The following PTPMT1 variants were observed in gnomAD, a reference collection of about 807,000 sequenced individuals.
The protein encoded by PTPMT1 is phosphatidylglycerophosphatase and protein-tyrosine phosphatase 1.
Under a neutral mutation model 17.8 loss-of-function variants are expected in PTPMT1, and 12 were observed. The ratio of observed to expected loss-of-function variants is 0.67; its 90% CI spans 0.43 to 1.09. The LOEUF is 1.09. PTPMT1 is among the 50% of genes least tolerant of loss of function. PTPMT1 has a pLI of 0.00. For synonymous variants in PTPMT1, 132 were observed against 116.8 expected (o/e 1.13, Z -0.84); for missense variants, 262 against 266.0 (o/e 0.99, Z 0.10).
At chr11:47,569,008 C>T (rs12786767) in intron 2 of PTPMT1, among the ~76,000 whole-genome samples, 2 of 151,736 alleles carry the variant, frequency 1.3e-5, no homozygotes, top group Admixed American at 6.6e-5. Flanking sequence ...AATGTTAAGA[C>T]GTTTGCAGCT....
In PTPMT1 at chr11:47,573,432, C is replaced by T. The variant is rs773744022; in HGVS notation, c.*1803C>T. On this transcript the variant is annotated 3_prime_UTR_variant, in exon 4 of 4. Transcript: ENST00000326674. The surrounding 1 kb of genome is among the most constrained non-coding windows in gnomAD (Gnocchi z 4.1). ...CTCTGTCCACACATTATCACCTACG[C>T]GATAATAAATGACTGCGTTGGAGAG... is the stretch of plus-strand genomic sequence containing the variant. 3.4e-5 allele frequency: 55 copies of T among 1,614,064 alleles called. No homozygotes were observed. The highest frequency in any genetic ancestry group is 2.2e-5 in the East Asian group (1 of 44,890).
rs570416789 is a variant in PTPMT1 at position 47,569,050 on chromosome 11, A to G, written c.256-650A>G. Among the ~76,000 whole-genome samples, 8 of 152,250 alleles carry G rather than the reference A, an allele frequency of 5.3e-5. No homozygotes were observed. In the South Asian group the frequency reaches 1.7e-3, roughly 32 times the overall value. ...TTTGCAGCTAAAATGTATATAGCTA[A>G]TATCTTGCAGCTAAATATTCAAGTA... On this transcript the variant is annotated intron_variant, in intron 2 of 3. Transcript: ENST00000326674.
In PTPMT1 at chr11:47,572,715, AACAGGCTGGCCT is replaced by A. The variant is rs1367916845; in HGVS notation, c.*1089_*1100del. ...ACAGGATGACTAGGGAATGGCAGAG[AACAGGCTGGCCT>A]ACTGTCAGTTCAAGCAACCAGCTGA... On this transcript the variant is annotated 3_prime_UTR_variant, in exon 4 of 4. Transcript: ENST00000326674. 6.8e-6 allele frequency: 4 copies of A among 584,340 alleles called. No individual in the cohort carries two copies. In the East Asian group the frequency reaches 1.1e-4, roughly 17 times the overall value. The allele number at this position is 584,340 out of a possible 1,614,324, so 36.2% of individuals were successfully genotyped here. A position where few individuals can be genotyped will look rare whatever the true frequency, so the allele number is the denominator to read the frequency against.
At chr11:47,569,666 A>G (rs759107136) in intron 2 of PTPMT1, 34 bp from the exon 3 acceptor site, 46 of 1,538,636 alleles carry the variant, frequency 3.0e-5, no homozygotes, top group Middle Eastern at 1.8e-4. Context: ...GTTTTTTTTC[A>G]TTCTCTTTTT....
Position 47,571,966 on chromosome 11 carries a change from A to G in PTPMT1, c.*337A>G. ...TATTTAGCACCACAACTCAAAAAAC[A>G]TTTAGCACTTGAAAAAAGGAGACTC... On this transcript the variant is annotated 3_prime_UTR_variant, in exon 4 of 4. Coordinates refer to ENST00000326674, the MANE Select transcript of PTPMT1 (RefSeq NM_175732.3). 5.8e-6 allele frequency: 1 copy of G among 171,692 alleles called. No individual in the cohort carries two copies. The highest frequency in any genetic ancestry group is 1.2e-5 in the Non-Finnish European group (1 of 80,832). The allele number at this position is 171,692 out of a possible 1,614,324, so 10.6% of individuals were successfully genotyped here. A position where few individuals can be genotyped will look rare whatever the true frequency, so the allele number is the denominator to read the frequency against.
chr11:47,567,162 G>A (rs1337450687), intron 2 of PTPMT1, among the ~76,000 whole-genome samples: 1 of 152,124 alleles, frequency 6.6e-6, no homozygotes, highest in Non-Finnish European at 1.5e-5. Flanking sequence ...AGCACTTTGG[G>A]AGGCTGAGGT....
Position 47,571,578 on chromosome 11 carries a change from G to A in PTPMT1, c.555G>A (p.Gln185=), listed in dbSNP as rs1417147798. 1.9e-6 allele frequency: 3 copies of A among 1,613,974 alleles called. No individual in the cohort carries two copies. In the Admixed American group the frequency reaches 5.0e-5, roughly 27 times the overall value. Residue 185 remains glutamine, a synonymous_variant, in exon 4 of 4, where the codon CAG becomes CAA. Transcript: ENST00000326674. The part of the protein sequence containing the change: ...QLDVLKEFHK[Q]ITARATKDGT... The stretch of plus-strand genomic sequence containing the variant: ...ATGTTCTTAAAGAGTTCCACAAGCA[G>A]ATTACTGCACGGGCAACAAAGGATG...
chr11:47,571,636 G>A lies in PTPMT1; in HGVS notation c.*7G>A, dbSNP rs1419640210. 6.2e-7 allele frequency: 1 copy of A among 1,613,656 alleles called. No homozygotes were observed. The highest frequency in any genetic ancestry group is 8.5e-7 in the Non-Finnish European group (1 of 1,179,838). On this transcript the variant is annotated 3_prime_UTR_variant, in exon 4 of 4. Transcript: ENST00000326674. ...TGTCATTTCAAAGACATGATGTATG[G>A]GGATTAGAAAGAACTCAAGACACTC...
rs1399191250 is a variant in PTPMT1 at position 47,569,780 on chromosome 11, G to A, written c.336G>A (p.Gln112=). 6.2e-7 allele frequency: 1 copy of A among 1,614,130 alleles called. No homozygotes were observed. Among genetic ancestry groups the A allele is most frequent in the East Asian group, 2.2e-5 (1 of 44,876 alleles). Residue 112 remains glutamine (Q), a synonymous_variant, in exon 3 of 4, where the codon CAG becomes CAA. Coordinates refer to ENST00000326674, the MANE Select transcript of PTPMT1 (RefSeq NM_175732.3). The part of the protein sequence containing the change: ...MTGIPTLDNL[Q]KGVQFALKYQ... ...GGATCCCCACCTTGGACAACCTCCA[G>A]AAGGGAGTCCAATTTGCTCTCAAGT...
chr11:47,570,186 C>CAAAAAAAAAAAAAAAAAA (rs548462674), intron 3 of PTPMT1, among the ~76,000 whole-genome samples: 1 of 85,568 alleles, frequency 1.2e-5, no homozygotes, highest in Non-Finnish European at 2.3e-5. Context: ...GAAACTGTCT[C>CAAAAAAAAAAAAAAAAAA]AAAAAAAAAA....
chr11:47,568,645 C>T (rs2097247685), intron 2 of PTPMT1, among the ~76,000 whole-genome samples: 1 of 152,092 alleles, frequency 6.6e-6, no homozygotes, highest in Admixed American at 6.5e-5. Context: ...TTGCATACCA[C>T]TGCTCTCTGA....
chr11:47,572,330 T>C lies in PTPMT1; in HGVS notation c.*701T>C, dbSNP rs1005929357. 1.3e-5 allele frequency: 2 copies of C among 152,936 alleles called. No individual in the cohort carries two copies. Among genetic ancestry groups the C allele is most frequent in the East Asian group, 3.8e-4 (2 of 5,208 alleles). The allele number at this position is 152,936 out of a possible 1,614,324, so 9.5% of individuals were successfully genotyped here. A position where few individuals can be genotyped will look rare whatever the true frequency, so the allele number is the denominator to read the frequency against. ...ATTAATCAGAAATAATCATTTCTATTTTCTGGCTTACCCCTTGGAATAAGC... is the reference window on the plus strand; with the variant it reads ...ATTAATCAGAAATAATCATTTCTATCTTCTGGCTTACCCCTTGGAATAAGC... On this transcript the variant is annotated 3_prime_UTR_variant, in exon 4 of 4. Coordinates refer to ENST00000326674, the MANE Select transcript of PTPMT1 (RefSeq NM_175732.3).
intron 2 of PTPMT1, among the ~76,000 whole-genome samples, chr11:47,567,394 A>G (rs1320783549): frequency 2.0e-5 from 3 of 150,738 alleles, no homozygotes; most frequent in Admixed American, 6.6e-5. Context: ...CGACAGAGTG[A>G]GTCTCCGTCT....
intron 2 of PTPMT1, among the ~76,000 whole-genome samples, chr11:47,567,209 C>G (rs2097245890): frequency 6.6e-6 from 1 of 151,886 alleles, no homozygotes; most frequent in African/African-American, 2.4e-5. Context: ...TGAGATCAGC[C>G]TGGCCAAAAT....
At chr11:47,568,615 G>A (rs1167676219) in intron 2 of PTPMT1, among the ~76,000 whole-genome samples, 1 of 152,146 alleles carries the variant, frequency 6.6e-6, no homozygotes, top group Non-Finnish European at 1.5e-5. Context: ...TTAGGAGTTT[G>A]AGGCTGCAAG....
chr11:47,567,921 T>C (rs2097247175), intron 2 of PTPMT1, among the ~76,000 whole-genome samples: 1 of 151,976 alleles, frequency 6.6e-6, no homozygotes, highest in African/African-American at 2.4e-5. Flanking sequence ...TTAATTTTAT[T>C]TTTGTTTTTG....
chr11:47,566,351 C>T (rs958013125), intron 2 of PTPMT1, among the ~76,000 whole-genome samples: 9 of 151,926 alleles, frequency 5.9e-5, no homozygotes, highest in Admixed American at 5.2e-4. Context: ...GGAGTGGTGG[C>T]GTGCGCCTGT....
At chr11:47,570,571 A>G (rs970260904) in intron 3 of PTPMT1, among the ~76,000 whole-genome samples, 1 of 152,238 alleles carries the variant, frequency 6.6e-6, no homozygotes, top group Non-Finnish European at 1.5e-5. Flanking sequence ...AGGAAACAAT[A>G]TCATAGATAA....
rs1565925792 is a variant in PTPMT1, at chr11:47,565,836, C to T, written c.174+40C>T. 5 of 1,599,160 alleles carry T rather than the reference C, an allele frequency of 3.1e-6. No individual in the cohort carries two copies. In the South Asian group the frequency reaches 5.6e-5, roughly 18 times the overall value. On this transcript the variant is annotated intron_variant, in intron 1 of 3. Coordinates refer to ENST00000326674, the MANE Select transcript of PTPMT1 (RefSeq NM_175732.3). The stretch of plus-strand genomic sequence containing the variant: ...GGAGCCCGGGCCCCTGCCCCGTCCC[C>T]GCCGCTCCGTCCCTGTCGGGCCGCT...
Sources: gnomAD v4.1 joint callset for allele counts (sites outside exome capture counted in the v4.1 genomes callset) on GRCh38, gnomAD v4.1.1 for gene constraint, Gnocchi (gnomAD v3.1) non-coding constraint, MANE v1.5 for transcripts, NCBI Gene and HGNC (gene_info 2026-07-23, HGNC 2026-07-21) for gene names.